PRR14L: variants seen among roughly 807,000 people sequenced by gnomAD.
The protein encoded by PRR14L is proline rich 14 like, also known as protein PRR14L.
A neutral mutation model predicts 155.0 loss-of-function variants in PRR14L; 80 were observed. That is an observed-to-expected ratio of 0.52 (90% CI 0.43 to 0.62). PRR14L has a LOEUF of 0.62. Among genes scored for constraint, PRR14L ranks in the 20% least tolerant of loss-of-function variants. The pLI, the probability that PRR14L is intolerant of heterozygous loss-of-function variation, is 0.00. For missense variants in PRR14L, 2,469 were observed against 2,548.0 expected, an observed-to-expected ratio of 0.97 and a Z score of 0.67; for synonymous variants, 883 against 916.0, an observed-to-expected ratio of 0.96 and a Z score of 0.65.
At chr22:31,719,550 A>G (rs1009660130) in intron 3 of PRR14L, among the ~76,000 whole-genome samples, 3 of 152,218 alleles carry the variant, frequency 2.0e-5, no homozygotes, top group Non-Finnish European at 2.9e-5. Context: ...AAAGCACAAG[A>G]GCACTTAATA....
At position 31,718,180 on chromosome 22, in the gene PRR14L, G is replaced by C. The variant is rs537334194; in HGVS notation, c.548-889C>G. Among the ~76,000 whole-genome samples, 28 of 151,270 alleles carry C rather than the reference G, an allele frequency of 1.9e-4. No homozygotes were observed. In the South Asian group the frequency reaches 5.9e-3, roughly 32 times the overall value. ...TGACCTCAGGTGACCCGCCTGCCTC[G>C]GCCTCCCAAAGTGCTGAGACTACAG... is the stretch of plus-strand genomic sequence containing the variant. On this transcript the variant is annotated intron_variant, in intron 3 of 8. Transcript: ENST00000327423.
chr22:31,702,436 G>A (rs1222291045), intron 6 of PRR14L, among the ~76,000 whole-genome samples: 10 of 152,090 alleles, frequency 6.6e-5, no homozygotes, highest in Non-Finnish European at 1.2e-4. Flanking sequence ...GGTCAGGCTG[G>A]TCTCAAACTC....
intron 2 of PRR14L, among the ~76,000 whole-genome samples, chr22:31,733,370 T>C (rs1714350953): frequency 1.5e-5 from 1 of 68,110 alleles, no homozygotes; most frequent in Admixed American, 1.8e-4. Context: ...AGTGGTGCCA[T>C]CTTGGCTCAC....
In PRR14L at chr22:31,714,349, G is replaced by T. The variant is rs1198539675; in HGVS notation, c.3490C>A (p.Pro1164Thr). 2 of 1,551,472 alleles carry T rather than the reference G, an allele frequency of 1.3e-6. No individual in the cohort carries two copies. Among genetic ancestry groups the T allele is most frequent in the Non-Finnish European group, 1.7e-6 (2 of 1,146,970 alleles). Residue 1164 changes from proline to threonine, a missense_variant, in exon 4 of 9, where the codon CCA becomes ACA. Transcript: ENST00000327423. ...ACTCTGCCCAATATTCTTTTATTTG[G>T]TTCATGATCTGCAACAGACTCCATC... The part of the protein sequence containing the change: ...HEMESVADHE[P>T]NKRILGRVNL...
chr22:31,736,465 A>C (rs1349729653), intron 2 of PRR14L, among the ~76,000 whole-genome samples: 3 of 152,086 alleles, frequency 2.0e-5, no homozygotes, highest in Non-Finnish European at 4.4e-5. Context: ...ATTCATTCCT[A>C]ATCATAGTCA....
At position 31,714,699 on chromosome 22, in the gene PRR14L, T is replaced by A. The variant is rs1180011365; in HGVS notation, c.3140A>T (p.Glu1047Val). The A allele has an allele frequency of 6.4e-7, 1 of 1,552,358 alleles. No homozygotes were observed. Among genetic ancestry groups the A allele is most frequent in the Admixed American group, 2.0e-5 (1 of 51,008 alleles). Reference sequence around the variant, plus strand: ...GATGTCTACCATACCTTCTGTGGACTCATCACAACCAGACATCTTGACAAA... The same window carrying A: ...GATGTCTACCATACCTTCTGTGGACACATCACAACCAGACATCTTGACAAA... ...GAFVKMSGCDESTEGMVDIVY... is the reference protein window; with the variant it reads ...GAFVKMSGCDVSTEGMVDIVY... Residue 1047 changes from glutamate (E) to valine (V), a missense_variant, in exon 4 of 9, where the codon GAG becomes GTG. By Grantham distance (121) the Glu-to-Val change is moderately radical (BLOSUM62 -2). Coordinates refer to ENST00000327423, the MANE Select transcript of PRR14L (RefSeq NM_173566.3).
chr22:31,691,800 CT>C (rs1279723124), intron 7 of PRR14L, among the ~76,000 whole-genome samples: 1 of 151,966 alleles, frequency 6.6e-6, no homozygotes, highest in Non-Finnish European at 1.5e-5. Flanking sequence ...TTGGTTTCCA[CT>C]TTTTAGCTAT....
rs1246246906 is a variant in PRR14L at position 31,716,365 on chromosome 22, C to T, written c.1474G>A (p.Asp492Asn). ...ATATTAGTAAAAGTTTCTTTATGGTCCTCAGGGTTTGTCAAGTTACCTTGA... is the reference window on the plus strand; with the variant it reads ...ATATTAGTAAAAGTTTCTTTATGGTTCTCAGGGTTTGTCAAGTTACCTTGA... ...HVQGNLTNPE[D>N]HKETFTNMSH... Residue 492 changes from aspartate (D) to asparagine (N), a missense_variant, in exon 4 of 9, where the codon GAC becomes AAC. Physicochemically the swap from Asp to Asn is conservative, Grantham distance 23. Transcript: ENST00000327423. 1.9e-6 allele frequency: 3 copies of T among 1,550,748 alleles called. No homozygotes were observed. The South Asian group carries it at 3.6e-5, about 19-fold the overall frequency.
At chr22:31,706,981 G>A (rs2074595792) in intron 4 of PRR14L, among the ~76,000 whole-genome samples, 1 of 151,792 alleles carries the variant, frequency 6.6e-6, no homozygotes, top group Admixed American at 6.6e-5. Flanking sequence ...CCCGGGAGGT[G>A]GAGGTTGCAG....
Position 31,703,575 on chromosome 22 carries a change from T to C in PRR14L, c.5975A>G (p.Gln1992Arg). The C allele has an allele frequency of 6.2e-7, 1 of 1,613,532 alleles. No homozygotes were observed. The highest frequency in any genetic ancestry group is 8.5e-7 in the Non-Finnish European group (1 of 1,179,690). ...CTCTTTCTGTTCTGGGGGGCTGCTC[T>C]GTGGGCAGGGGCATGCTGCTTTCAC... ...DGVKAACPCP[Q>R]SSPPEQKEAE... Residue 1992 changes from glutamine to arginine, a missense_variant, in exon 6 of 9, where the codon CAG becomes CGG. Coordinates refer to ENST00000327423, the MANE Select transcript of PRR14L (RefSeq NM_173566.3).
intron 3 of PRR14L, among the ~76,000 whole-genome samples, chr22:31,723,089 A>C (rs1322926202): frequency 6.6e-6 from 1 of 152,140 alleles, no homozygotes; most frequent in Non-Finnish European, 1.5e-5. Flanking sequence ...CATGCAACAC[A>C]GGAATACCCT....
chr22:31,739,320 T>C (rs1253106577), intron 1 of PRR14L, among the ~76,000 whole-genome samples: 1 of 152,226 alleles, frequency 6.6e-6, no homozygotes, highest in Non-Finnish European at 1.5e-5. Context: ...TGCTATCCCA[T>C]AGTACGTACT....
At chr22:31,721,161 A>G (rs1274673089) in intron 3 of PRR14L, among the ~76,000 whole-genome samples, 1 of 152,248 alleles carries the variant, frequency 6.6e-6, no homozygotes, top group Non-Finnish European at 1.5e-5. Context: ...AAGATCTCCC[A>G]TGATGGGGAA....
rs1238687001 is a variant in PRR14L, at chr22:31,682,638, G to A, written c.*2889C>T. The A allele has an allele frequency of 6.6e-6, 1 of 152,136 alleles. No homozygotes were observed. Among genetic ancestry groups the A allele is most frequent in the African/African-American group, 2.4e-5 (1 of 41,418 alleles). 9.4% of individuals were successfully genotyped at this position (152,136 alleles called of 1,614,324 possible). A position where few individuals can be genotyped will look rare whatever the true frequency, so the allele number is the denominator to read the frequency against. On this transcript the variant is annotated 3_prime_UTR_variant, in exon 9 of 9. Transcript: ENST00000327423. Reference sequence around the variant, plus strand: ...ACACAGTTGAAAGTTTCAGTGAAAAGCTGATGGGCAGAACCCTGATTAGAC... The same window carrying A: ...ACACAGTTGAAAGTTTCAGTGAAAAACTGATGGGCAGAACCCTGATTAGAC...
At chr22:31,736,426 TATC>T (rs2074782073) in intron 2 of PRR14L, among the ~76,000 whole-genome samples, 1 of 149,722 alleles carries the variant, frequency 6.7e-6, no homozygotes, top group Non-Finnish European at 1.5e-5. Flanking sequence ...TAAACTCAAA[TATC>T]ATGTTCAAAT....
At chr22:31,734,993 G>A (rs531785633) in intron 2 of PRR14L, among the ~76,000 whole-genome samples, 47 of 152,280 alleles carry the variant, frequency 3.1e-4, no homozygotes, top group Non-Finnish European at 5.4e-4. Context: ...TTCCCCGTAA[G>A]TATTTCTGTT....
intron 8 of PRR14L, 73 bp from the exon 9 acceptor site, chr22:31,685,876 T>C: frequency 7.1e-7 from 1 of 1,406,674 alleles, no homozygotes; most frequent in Non-Finnish European, 9.7e-7. Context: ...GGTCAGGATG[T>C]TGACGCTGGG....
At chr22:31,699,424 A>G (rs2074552111) in intron 7 of PRR14L, among the ~76,000 whole-genome samples, 1 of 152,222 alleles carries the variant, frequency 6.6e-6, no homozygotes, top group African/African-American at 2.4e-5. Context: ...AAATGCTCCA[A>G]CATCTGAAAC....
intron 6 of PRR14L, 98 bp from the exon 7 acceptor site, chr22:31,701,860 T>G: frequency 1.1e-6 from 1 of 879,762 alleles, no homozygotes; most frequent in South Asian, 1.7e-5. Context: ...CAGGCTGGTG[T>G]GAAGTGGTGC....
Sources: allele counts gnomAD v4.1 joint callset (sites outside exome capture counted in the v4.1 genomes callset), GRCh38; gene constraint gnomAD v4.1.1; transcripts MANE v1.5; gene names NCBI Gene and HGNC (gene_info 2026-07-23, HGNC 2026-07-21).